PTPRM: variants seen among roughly 807,000 people sequenced by gnomAD.
PTPRM encodes receptor-type tyrosine-protein phosphatase mu.
PTPRM carries 47 observed loss-of-function variants against 186.7 expected under a neutral mutation model. The ratio of observed to expected loss-of-function variants is 0.25; its 90% confidence interval spans 0.20 to 0.32. The LOEUF is 0.32. Among genes scored for constraint, PTPRM ranks in the 10% least tolerant of loss-of-function variants. PTPRM has a pLI of 1.00. For synonymous variants in PTPRM, 668 were observed against 674.9 expected (o/e 0.99, Z 0.16); for missense variants, 1,494 against 1,865.0 (o/e 0.80, Z 3.66).
rs188052241 is a variant in PTPRM at position 8,287,860 on chromosome 18, G to A, written c.2755-8508G>A. Among the ~76,000 whole-genome samples, 3 of 152,298 alleles carry A rather than the reference G, an allele frequency of 2.0e-5. No homozygotes were observed. The East Asian group carries it at 5.8e-4, about 29-fold the overall frequency. On this transcript the variant is annotated intron_variant, in intron 19 of 32. Coordinates refer to ENST00000580170, the MANE Select transcript of PTPRM (RefSeq NM_001105244.2). ...TATAGAAACACAGATACTTTCAGCT[G>A]CCTCTAAAACAGAGCAGTCCTCTTT...
At chr18:8,022,990 G>A (rs1342179311) in intron 7 of PTPRM, among the ~76,000 whole-genome samples, 10 of 152,322 alleles carry the variant, frequency 6.6e-5, no homozygotes, top group Admixed American at 5.9e-4. Context: ...TCAATCTGAT[G>A]TAGAAACGTC....
At chr18:7,790,116 C>T (rs190699994) in intron 2 of PTPRM, among the ~76,000 whole-genome samples, 49 of 152,246 alleles carry the variant, frequency 3.2e-4, no homozygotes, top group African/African-American at 7.9e-4. Context: ...AGTTAAGATG[C>T]AGTGTCAGGT....
At chr18:7,908,184 C>T (rs531011369) in intron 4 of PTPRM, among the ~76,000 whole-genome samples, 1 of 152,114 alleles carries the variant, frequency 6.6e-6, no homozygotes, top group African/African-American at 2.4e-5. Context: ...AGTTTATATT[C>T]CCACCAGCAG....
intron 5 of PTPRM, among the ~76,000 whole-genome samples, chr18:7,940,698 C>A (rs2052114696): frequency 9.4e-6 from 1 of 106,340 alleles, no homozygotes; most frequent in African/African-American, 3.6e-5. Context: ...GGTGGTCGTT[C>A]TTAGTACCTT....
chr18:7,778,669 G>A (rs1018618606), intron 2 of PTPRM, among the ~76,000 whole-genome samples: 8 of 152,044 alleles, frequency 5.3e-5, no homozygotes, highest in Admixed American at 3.9e-4. Flanking sequence ...TAGTAGAGAC[G>A]AGGTTTCACG....
intron 2 of PTPRM, among the ~76,000 whole-genome samples, chr18:7,780,734 G>A (rs1202094055): frequency 2.0e-5 from 3 of 152,284 alleles, no homozygotes; most frequent in Admixed American, 6.5e-5. Context: ...GACTGTCATG[G>A]TGGGAAGTGC....
At chr18:7,966,351 T>C (rs1663686331) in intron 7 of PTPRM, among the ~76,000 whole-genome samples, 1 of 152,200 alleles carries the variant, frequency 6.6e-6, no homozygotes, top group African/African-American at 2.4e-5. Flanking sequence ...AGGTAAAATA[T>C]TCCCATTGAC....
At chr18:7,844,054 C>T (rs534986240) in intron 2 of PTPRM, among the ~76,000 whole-genome samples, 22 of 152,274 alleles carry the variant, frequency 1.4e-4, no homozygotes, top group African/African-American at 4.3e-4. Flanking sequence ...GCTGCACTGC[C>T]GTTCATGACC....
intron 1 of PTPRM, among the ~76,000 whole-genome samples, chr18:7,607,432 AG>A: frequency 3.1e-4 from 1 of 3,192 alleles, no homozygotes; most frequent in South Asian, 0.014. Flanking sequence ...TAAGGAGAGG[AG>A]GCAGCTAGCC....
At chr18:7,675,763 C>A (rs1263127945) in intron 1 of PTPRM, among the ~76,000 whole-genome samples, 2 of 148,550 alleles carry the variant, frequency 1.3e-5, no homozygotes, top group African/African-American at 5.0e-5. Context: ...GAGACAGAGT[C>A]CCACTCTGTT....
In PTPRM at chr18:8,264,254, T is replaced by C. The variant is rs1355867594; in HGVS notation, c.2754+10840T>C. ...TCTTACCAACCGCTAATAGAAGCAA[T>C]GTAGAATTATTTACATGAGACTGTA... On this transcript the variant is annotated intron_variant, in intron 19 of 32. Coordinates refer to ENST00000580170, the MANE Select transcript of PTPRM (RefSeq NM_001105244.2). 4.6e-5 allele frequency among the ~76,000 whole-genome samples: 7 copies of C among 152,140 alleles called. No homozygotes were observed. In the East Asian group the frequency reaches 5.8e-4, roughly 13 times the overall value.
chr18:8,132,623 C>G (rs1432501485), intron 13 of PTPRM, among the ~76,000 whole-genome samples: 1 of 152,148 alleles, frequency 6.6e-6, no homozygotes, highest in South Asian at 2.1e-4. Flanking sequence ...TTAAAGACTT[C>G]TAAAACAAAC....
intron 5 of PTPRM, among the ~76,000 whole-genome samples, chr18:7,938,525 G>A (rs1253056166): frequency 6.6e-6 from 1 of 152,028 alleles, no homozygotes; most frequent in Admixed American, 6.6e-5. Context: ...GTCAGTGTTG[G>A]GCTCCTTAGT....
rs377045721 is a variant in PTPRM at position 8,401,929 on chromosome 18, A to G, written c.4345-4180A>G. Among the ~76,000 whole-genome samples the G allele has an allele frequency of 2.8e-4, 43 of 152,334 alleles. 2 individuals are homozygous for G. The East Asian group carries it at 2.9e-3, about 10-fold the overall frequency. Reference sequence around the variant, plus strand: ...GTTGCCCTGGTTACGGTCTGACCCAAGGATGTGAGGAGGACCGGGCCAGGC... The same window carrying G: ...GTTGCCCTGGTTACGGTCTGACCCAGGGATGTGAGGAGGACCGGGCCAGGC... On this transcript the variant is annotated intron_variant, in intron 32 of 32. Coordinates refer to ENST00000580170, the MANE Select transcript of PTPRM (RefSeq NM_001105244.2).
rs1408318912 is a variant in PTPRM, at chr18:8,222,286, G to A, written c.2301-21772G>A. On this transcript the variant is annotated intron_variant, in intron 14 of 32. Transcript: ENST00000580170. Reference sequence around the variant, plus strand: ...TCCAGATATCCAAGAAGAAATCACAGTGCTGTTTAAAACAAAATTAAGCCA... The same window carrying A: ...TCCAGATATCCAAGAAGAAATCACAATGCTGTTTAAAACAAAATTAAGCCA... Among the ~76,000 whole-genome samples the A allele has an allele frequency of 7.9e-5, 12 of 152,260 alleles. No homozygotes were observed. In the East Asian group the frequency reaches 2.3e-3, roughly 29 times the overall value.
intron 9 of PTPRM, among the ~76,000 whole-genome samples, chr18:8,077,585 A>G (rs118133498): frequency 2.9e-3 from 435 of 152,342 alleles, no homozygotes; most frequent in Non-Finnish European, 4.3e-3. Context: ...TTCATGGCTC[A>G]GCTTTTATAG....
At chr18:7,672,900 G>A (rs1479106522) in intron 1 of PTPRM, among the ~76,000 whole-genome samples, 6 of 152,294 alleles carry the variant, frequency 3.9e-5, no homozygotes, top group East Asian at 3.9e-4. Flanking sequence ...GCACACCTGC[G>A]TGCACACCTA....
At chr18:8,404,483 C>G (rs752285404) in intron 32 of PTPRM, 1 of 152,176 alleles carries the variant, frequency 6.6e-6, no homozygotes, top group Non-Finnish European at 1.5e-5. Flanking sequence ...GGGCTAGAGA[C>G]TGTTACTTTA....
intron 2 of PTPRM, among the ~76,000 whole-genome samples, chr18:7,782,061 T>G (rs2042883271): frequency 6.6e-6 from 1 of 152,188 alleles, no homozygotes; most frequent in East Asian, 1.9e-4. Flanking sequence ...TGGACTGGAG[T>G]TGTAGTCTCT....
Sources: gnomAD v4.1 joint callset for allele counts (sites outside exome capture counted in the v4.1 genomes callset) on GRCh38, gnomAD v4.1.1 for gene constraint, MANE v1.5 for transcripts, NCBI Gene and HGNC (gene_info 2026-07-23, HGNC 2026-07-21) for gene names.